MARCHF1: variants seen among roughly 807,000 people sequenced by gnomAD.
MARCHF1 encodes the protein E3 ubiquitin-protein ligase MARCHF1.
A neutral mutation model predicts 54.2 loss-of-function variants in MARCHF1; 40 were observed. The observed-to-expected ratio is 0.74, with a 90% confidence interval of 0.57 to 0.96. The LOEUF (loss-of-function observed/expected upper bound fraction) is 0.96, where lower values mean the gene tolerates loss of function less well. MARCHF1 is among the 40% of genes least tolerant of loss of function. MARCHF1 has a pLI of 0.00. For missense variants in MARCHF1, 586 were observed against 656.5 expected (o/e 0.89, Z 1.17); for synonymous variants, 236 against 236.3 (o/e 1.00, Z 0.01).
chr4:163,932,573 T>C (rs748535227), intron 3 of MARCHF1: 9 of 375,924 alleles, frequency 2.4e-5, no homozygotes, highest in Admixed American at 6.9e-5. Context: ...CTGAGTGCTA[T>C]GATGACATGG....
intron 1 of MARCHF1, among the ~76,000 whole-genome samples, chr4:164,338,631 G>GAAACTGTATCAGAAACTTA (rs1246635125): frequency 2.6e-5 from 4 of 152,150 alleles, no homozygotes; most frequent in Admixed American, 6.5e-5. Flanking sequence ...CAGACTTTAA[G>GAAACTGTATCAGAAACTTA]TCAGAAACTG....
chr4:164,377,890 G>A (rs958236905), intron 1 of MARCHF1, among the ~76,000 whole-genome samples: 4 of 152,148 alleles, frequency 2.6e-5, no homozygotes, highest in Admixed American at 2.0e-4. Context: ...GCTGTATTGC[G>A]TAGGAGGCTG....
At chr4:163,934,592 A>G (rs1389946493) in intron 3 of MARCHF1, among the ~76,000 whole-genome samples, 3 of 150,702 alleles carry the variant, frequency 2.0e-5, no homozygotes, top group Non-Finnish European at 4.4e-5. Flanking sequence ...AAAAAAAAAA[A>G]AAAAAAAAAA....
intron 5 of MARCHF1, among the ~76,000 whole-genome samples, chr4:163,648,581 T>C (rs1401897884): frequency 2.4e-5 from 3 of 126,990 alleles, no homozygotes; most frequent in Non-Finnish European, 3.2e-5. Context: ...CCCCATTCTA[T>C]AGCAGGGGTA....
chr4:164,272,959 C>T (rs1053523685), intron 1 of MARCHF1, among the ~76,000 whole-genome samples: 6 of 151,668 alleles, frequency 4.0e-5, no homozygotes, highest in African/African-American at 1.5e-4. Context: ...CACGATTGTA[C>T]ATACATGTTC....
At chr4:163,558,425 G>A (rs1739360742) in intron 8 of MARCHF1, among the ~76,000 whole-genome samples, 1 of 152,190 alleles carries the variant, frequency 6.6e-6, no homozygotes, top group Admixed American at 6.5e-5. Flanking sequence ...TTGAGCAAGT[G>A]GAGGAGATGC....
chr4:164,054,651 C>T (rs1754448177), intron 2 of MARCHF1, among the ~76,000 whole-genome samples: 1 of 151,328 alleles, frequency 6.6e-6, no homozygotes, highest in African/African-American at 2.4e-5. Flanking sequence ...AATTGGAAAT[C>T]ATCATTCTCA....
rs1438973104 is a variant in MARCHF1 at position 163,737,666 on chromosome 4, C to G, written c.112-36803G>C. 2.4e-5 allele frequency among the ~76,000 whole-genome samples: 3 copies of G among 126,056 alleles called. No homozygotes were observed. The East Asian group carries it at 5.9e-4, about 25-fold the overall frequency. 82.7% of individuals were successfully genotyped at this position (126,056 alleles called of 152,430 possible). ...AAAAAACACATGAAGAAATGCTCAT[C>G]ATCACTGGCCATCAGAGAAATGCAA... On this transcript the variant is annotated intron_variant, in intron 4 of 9. Coordinates refer to ENST00000514618, the MANE Select transcript of MARCHF1 (RefSeq NM_001394959.1).
At chr4:163,904,471 A>T (rs1479204945) in intron 3 of MARCHF1, among the ~76,000 whole-genome samples, 2 of 152,166 alleles carry the variant, frequency 1.3e-5, no homozygotes, top group African/African-American at 4.8e-5. Context: ...TTCACCCAAC[A>T]GGGACAACAA....
At chr4:163,644,517 C>G (rs1477066678) in intron 5 of MARCHF1, among the ~76,000 whole-genome samples, 2 of 152,102 alleles carry the variant, frequency 1.3e-5, no homozygotes, top group African/African-American at 2.4e-5. Context: ...CCATCTGACT[C>G]CCTGGGTCAG....
chr4:164,328,195 TAAGTA>T (rs926243998), intron 1 of MARCHF1, among the ~76,000 whole-genome samples: 1 of 152,182 alleles, frequency 6.6e-6, no homozygotes, highest in African/African-American at 2.4e-5. Context: ...CATATCTAAA[TAAGTA>T]AAGAAAAGCA....
At chr4:164,214,516 A>G (rs150003201) in intron 1 of MARCHF1, among the ~76,000 whole-genome samples, 1,615 of 152,264 alleles carry the variant, frequency 0.011, 24 homozygotes, top group African/African-American at 0.035. Context: ...ATAATATATT[A>G]TTAGGCTAAG....
intron 2 of MARCHF1, among the ~76,000 whole-genome samples, chr4:163,991,360 G>A (rs17044367): frequency 0.033 from 5,011 of 152,096 alleles, 289 homozygotes; most frequent in African/African-American, 0.11. Flanking sequence ...CTAATACTTC[G>A]CTGCCTTGGA....
intron 3 of MARCHF1, among the ~76,000 whole-genome samples, chr4:163,877,878 A>C (rs1478328757): frequency 1.3e-5 from 2 of 152,176 alleles, no homozygotes; most frequent in Non-Finnish European, 2.9e-5. Flanking sequence ...ACTTGGTTAC[A>C]CTCAGAATGA....
chr4:164,288,369 G>A (rs754217295), intron 1 of MARCHF1, among the ~76,000 whole-genome samples: 2 of 152,010 alleles, frequency 1.3e-5, no homozygotes, highest in African/African-American at 4.8e-5. Context: ...CAAGAATGAA[G>A]TGAAAAAAGA....
At chr4:164,381,225 G>A (rs1307844901) in intron 1 of MARCHF1, among the ~76,000 whole-genome samples, 1 of 152,070 alleles carries the variant, frequency 6.6e-6, no homozygotes, top group Non-Finnish European at 1.5e-5. Context: ...GAGCCCTTGT[G>A]CAACAAAATA....
intron 1 of MARCHF1, chr4:164,190,007 T>C: frequency 1.4e-6 from 2 of 1,446,900 alleles, no homozygotes; most frequent in Non-Finnish European, 9.7e-7. Context: ...TTAATGATGC[T>C]GAGAAGTTTG....
intron 1 of MARCHF1, among the ~76,000 whole-genome samples, chr4:164,311,585 TGAAACTAA>T (rs1734850923): frequency 6.6e-6 from 1 of 152,196 alleles, no homozygotes; most frequent in Admixed American, 6.5e-5. Context: ...CTGGTTGCTA[TGAAACTAA>T]GAAAAAAAAT....
chr4:164,253,986 T>C (rs1295007738), intron 1 of MARCHF1, among the ~76,000 whole-genome samples: 2 of 152,162 alleles, frequency 1.3e-5, no homozygotes, highest in African/African-American at 2.4e-5. Flanking sequence ...ATCAGATTAA[T>C]AGTTGTCTTG....
Sources: allele counts gnomAD v4.1 joint callset (sites outside exome capture counted in the v4.1 genomes callset), GRCh38; gene constraint gnomAD v4.1.1; transcripts MANE v1.5; gene names NCBI Gene and HGNC (gene_info 2026-07-23, HGNC 2026-07-21).